GALNT2: variants seen among roughly 807,000 people sequenced by gnomAD.
GALNT2 encodes polypeptide N-acetylgalactosaminyltransferase 2.
GALNT2 carries 31 observed loss-of-function variants against 81.4 expected under a neutral mutation model. The observed-to-expected ratio is 0.38, with a 90% CI of 0.29 to 0.51. The LOEUF (loss-of-function observed/expected upper bound fraction) is 0.51, where lower values mean the gene tolerates loss of function less well. Ranked by LOEUF, GALNT2 falls within the 20% of genes least tolerant of loss-of-function variation. GALNT2 has a pLI of 0.87. For missense variants in GALNT2, 629 were observed against 765.7 expected, an observed-to-expected ratio of 0.82 and a Z score of 2.11; for synonymous variants, 303 against 287.4, an observed-to-expected ratio of 1.05 and a Z score of -0.55.
At chr1:230,154,780 G>A (rs553999987) in intron 1 of GALNT2, among the ~76,000 whole-genome samples, 28 of 152,260 alleles carry the variant, frequency 1.8e-4, no homozygotes, top group African/African-American at 5.5e-4. Flanking sequence ...CCCCTTGAGC[G>A]CAGACTTCCA....
At chr1:230,103,238 A>T (rs1476967014) in intron 1 of GALNT2, among the ~76,000 whole-genome samples, 2 of 152,156 alleles carry the variant, frequency 1.3e-5, no homozygotes, top group Non-Finnish European at 2.9e-5. Context: ...GTCAGTCCAA[A>T]ATCCCCGTAA....
chr1:230,075,412 T>C (rs939378817), intron 1 of GALNT2, among the ~76,000 whole-genome samples: 6 of 152,272 alleles, frequency 3.9e-5, no homozygotes, highest in Non-Finnish European at 8.8e-5. Flanking sequence ...TGAGCCACCG[T>C]GCCCGGCTGC....
intron 8 of GALNT2, among the ~76,000 whole-genome samples, chr1:230,248,766 C>T (rs1237217459): frequency 2.0e-5 from 3 of 152,170 alleles, no homozygotes; most frequent in African/African-American, 7.2e-5. Flanking sequence ...CCCAGCATTG[C>T]CTTCCCCTGG....
At chr1:230,230,092 C>T (rs187499788) in intron 3 of GALNT2, among the ~76,000 whole-genome samples, 2 of 152,148 alleles carry the variant, frequency 1.3e-5, no homozygotes, top group African/African-American at 2.4e-5. Context: ...AAACTTTATG[C>T]GTGAAATATT....
intron 1 of GALNT2, among the ~76,000 whole-genome samples, chr1:230,088,410 G>T (rs946686883): frequency 2.0e-5 from 3 of 150,824 alleles, no homozygotes; most frequent in African/African-American, 7.4e-5. Flanking sequence ...CTGTTGTTCT[G>T]TGTGACAGGG....
intron 11 of GALNT2, 88 bp downstream of exon 11, chr1:230,255,432 T>A (rs1665682373): frequency 6.5e-7 from 1 of 1,536,608 alleles, no homozygotes; most frequent in Non-Finnish European, 9.0e-7. Flanking sequence ...AGGACAGATG[T>A]CCTTCAGTGG....
At chr1:230,124,495 G>GA (rs1305013167) in intron 1 of GALNT2, among the ~76,000 whole-genome samples, 9 of 152,300 alleles carry the variant, frequency 5.9e-5, no homozygotes, top group African/African-American at 1.2e-4. Flanking sequence ...CCTGTGGCAT[G>GA]AAAAAATCTC....
intron 2 of GALNT2, among the ~76,000 whole-genome samples, chr1:230,184,827 G>A (rs1396385584): frequency 2.0e-5 from 3 of 152,040 alleles, no homozygotes; most frequent in Non-Finnish European, 4.4e-5. Context: ...TATTTCTCCT[G>A]TTCCTTTCTC....
At chr1:230,079,977 C>T (rs748378003) in intron 1 of GALNT2, among the ~76,000 whole-genome samples, 2 of 152,176 alleles carry the variant, frequency 1.3e-5, no homozygotes, top group Non-Finnish European at 2.9e-5. Context: ...GTGAATTTGG[C>T]GTCCTTTGTT....
In GALNT2 at chr1:230,271,399, C is replaced by T. The variant is rs546786957; in HGVS notation, c.1441-3046C>T. Among the ~76,000 whole-genome samples the T allele has an allele frequency of 6.6e-6, 1 of 152,358 alleles. No homozygotes were observed. Among genetic ancestry groups the T allele is most frequent in the African/African-American group, 2.4e-5 (1 of 41,588 alleles). On this transcript the variant is annotated intron_variant, in intron 14 of 15. Coordinates refer to ENST00000366672, the MANE Select transcript of GALNT2 (RefSeq NM_004481.5). The surrounding 1 kb of genome is among the most constrained non-coding windows in gnomAD (Gnocchi z 4.2). Reference sequence around the variant, plus strand: ...AGCCCTGTGGGCTTTTCCCCCCACACCAAGCAATTCTCCAATTCTCCAATT... The same window carrying T: ...AGCCCTGTGGGCTTTTCCCCCCACATCAAGCAATTCTCCAATTCTCCAATT...
intron 1 of GALNT2, among the ~76,000 whole-genome samples, chr1:230,071,713 C>T (rs930938411): frequency 6.6e-6 from 1 of 152,144 alleles, no homozygotes; most frequent in African/African-American, 2.4e-5. Flanking sequence ...AAGTCCACTT[C>T]AAATGAGAGT....
At chr1:230,194,579 T>C (rs1047330272) in intron 2 of GALNT2, among the ~76,000 whole-genome samples, 5 of 152,190 alleles carry the variant, frequency 3.3e-5, no homozygotes, top group Non-Finnish European at 5.9e-5. Flanking sequence ...CCAAAGGTAA[T>C]GGACAAGGAA....
In GALNT2 at chr1:230,279,734, C is replaced by A; in HGVS notation, c.*276C>A. On this transcript the variant is annotated 3_prime_UTR_variant, in exon 16 of 16. Coordinates refer to ENST00000366672, the MANE Select transcript of GALNT2 (RefSeq NM_004481.5). This position sits in a 1 kb window ranked among gnomAD's most constrained non-coding sequence, Gnocchi z 4.6. ...TCTTCCTTCCAGCTTTCACTTCTGC[C>A]GGCTCCGCAACTGAGTGACACCCAG... is the stretch of plus-strand genomic sequence containing the variant. The A allele has an allele frequency of 1.9e-6, 1 of 525,366 alleles. No individual in the cohort carries two copies. The highest frequency in any genetic ancestry group is 3.6e-6 in the Non-Finnish European group (1 of 278,358). 32.5% of individuals were successfully genotyped at this position (525,366 alleles called of 1,614,324 possible). A position where few individuals can be genotyped will look rare whatever the true frequency, so the allele number is the denominator to read the frequency against.
chr1:230,189,404 G>T (rs1296905668), intron 2 of GALNT2, among the ~76,000 whole-genome samples: 2 of 152,218 alleles, frequency 1.3e-5, no homozygotes, highest in Non-Finnish European at 2.9e-5. Context: ...TTCACGTAAA[G>T]ATGAATGAAA....
At chr1:230,131,238 A>G (rs537995354) in intron 1 of GALNT2, among the ~76,000 whole-genome samples, 62 of 152,308 alleles carry the variant, frequency 4.1e-4, no homozygotes, top group Non-Finnish European at 6.3e-4. Context: ...CTCGGGTAAC[A>G]GAAAACTGAG....
intron 1 of GALNT2, among the ~76,000 whole-genome samples, chr1:230,149,474 G>A (rs1357595242): frequency 6.6e-6 from 1 of 152,130 alleles, no homozygotes; most frequent in Non-Finnish European, 1.5e-5. Context: ...GGCGTTGAGG[G>A]CAGCAAGATT....
chr1:230,144,781 T>C (rs1193272875), intron 1 of GALNT2, among the ~76,000 whole-genome samples: 2 of 152,112 alleles, frequency 1.3e-5, no homozygotes, highest in African/African-American at 4.8e-5. Context: ...GGGGTGAGGA[T>C]TAATTAAAGA....
intron 1 of GALNT2, among the ~76,000 whole-genome samples, chr1:230,109,172 G>A (rs1338785946): frequency 1.3e-5 from 2 of 152,212 alleles, no homozygotes; most frequent in East Asian, 3.9e-4. Flanking sequence ...CCCTCTGATG[G>A]GGGTCTCCCT....
chr1:230,141,861 A>G (rs1335503433), intron 1 of GALNT2, among the ~76,000 whole-genome samples: 2 of 137,664 alleles, frequency 1.5e-5, no homozygotes, highest in African/African-American at 5.5e-5. Flanking sequence ...CCACAATCAT[A>G]TCTCACTGCA....
Sources: allele counts gnomAD v4.1 joint callset (sites outside exome capture counted in the v4.1 genomes callset), GRCh38; gene constraint gnomAD v4.1.1; non-coding constraint Gnocchi (gnomAD v3.1); transcripts MANE v1.5; gene names NCBI Gene and HGNC (gene_info 2026-07-23, HGNC 2026-07-21).